Variants in IL1RAPL2 observed in about 807,000 individuals in gnomAD.
The protein encoded by IL1RAPL2 is interleukin 1 receptor accessory protein like 2.
A neutral mutation model predicts 44.1 loss-of-function variants in IL1RAPL2; 3 were observed. The observed-to-expected ratio is 0.07, with a 90% confidence interval of 0.03 to 0.18. The LOEUF (loss-of-function observed/expected upper bound fraction) is 0.18. IL1RAPL2 is among the 10% of genes least tolerant of loss of function. IL1RAPL2 has a pLI of 1.00. For synonymous variants in IL1RAPL2, 181 were observed against 178.8 expected (o/e 1.01, Z -0.10); for missense variants, 391 against 496.4 (o/e 0.79, Z 2.02).
chrX:105,703,660 C>T (rs753038835), intron 6 of IL1RAPL2, among the ~76,000 whole-genome samples: 10 of 111,481 alleles, frequency 9.0e-5, no homozygotes, highest in African/African-American at 2.6e-4. Flanking sequence ...GAGGATGAGA[C>T]GATGATCTCA....
At chrX:105,640,612 G>A (rs1430158644) in intron 6 of IL1RAPL2, among the ~76,000 whole-genome samples, 2 of 97,824 alleles carry the variant, frequency 2.0e-5, no homozygotes, top group African/African-American at 7.3e-5. Context: ...AAAAACTAGT[G>A]CAAGCATTGA....
intron 1 of IL1RAPL2, among the ~76,000 whole-genome samples, chrX:104,607,693 A>G (rs1929046059): frequency 8.9e-6 from 1 of 111,934 alleles, no homozygotes; most frequent in African/African-American, 3.2e-5. Context: ...ATACCATCTC[A>G]CGCCAGTTAG....
At chrX:104,705,659 T>A (rs1931352892) in intron 2 of IL1RAPL2, among the ~76,000 whole-genome samples, 2 of 111,676 alleles carry the variant, frequency 1.8e-5, no homozygotes, top group Non-Finnish European at 3.8e-5. Flanking sequence ...AGAATTTATG[T>A]ACCATGTATC....
At chrX:104,647,265 C>G in intron 1 of IL1RAPL2, 1 of 396,025 alleles carries the variant, frequency 2.5e-6, no homozygotes, top group Non-Finnish European at 4.8e-6. Context: ...TATGTGATGT[C>G]CTCTGCAGCT....
At chrX:105,356,880 T>C (rs111952632) in intron 5 of IL1RAPL2, among the ~76,000 whole-genome samples, 43 of 112,154 alleles carry the variant, frequency 3.8e-4, no homozygotes, top group African/African-American at 1.4e-3. Flanking sequence ...GGTAATGGAT[T>C]GAATGATGTG....
At chrX:105,247,384 A>G (rs1603030941) in intron 4 of IL1RAPL2, among the ~76,000 whole-genome samples, 2 of 111,022 alleles carry the variant, frequency 1.8e-5, no homozygotes, top group South Asian at 3.8e-4. Flanking sequence ...AGAATTCTCT[A>G]TCAAAATTGT....
intron 2 of IL1RAPL2, among the ~76,000 whole-genome samples, chrX:104,960,143 G>A (rs893054634): frequency 1.8e-5 from 2 of 111,883 alleles, no homozygotes; most frequent in African/African-American, 6.5e-5. Flanking sequence ...AATCACTGAT[G>A]GCTTCATTAT....
intron 2 of IL1RAPL2, among the ~76,000 whole-genome samples, chrX:104,671,483 G>T (rs889678951): frequency 4.5e-5 from 5 of 111,306 alleles, no homozygotes; most frequent in African/African-American, 1.6e-4. Context: ...TCGTTGGATT[G>T]CCCCCATCGA....
At chrX:105,527,436 T>TGTGTG (rs2036602142) in intron 6 of IL1RAPL2, among the ~76,000 whole-genome samples, 1 of 95,634 alleles carries the variant, frequency 1.0e-5, no homozygotes, top group South Asian at 5.4e-4. Context: ...TGAGAGTGTG[T>TGTGTG]TGTGTGTGTG....
intron 2 of IL1RAPL2, among the ~76,000 whole-genome samples, chrX:104,923,702 A>G (rs1402667461): frequency 9.0e-6 from 1 of 111,684 alleles, no homozygotes; most frequent in African/African-American, 3.3e-5. Flanking sequence ...ATAAAAGCAC[A>G]TGTAAGTAGA....
chrX:104,954,591 G>C (rs1430708328), intron 2 of IL1RAPL2, among the ~76,000 whole-genome samples: 1 of 110,583 alleles, frequency 9.0e-6, no homozygotes, highest in East Asian at 2.8e-4. Flanking sequence ...GCCCAGGCTG[G>C]AGTGCAGTGG....
chrX:104,747,320 C>G (rs1381522048), intron 2 of IL1RAPL2, among the ~76,000 whole-genome samples: 2 of 111,389 alleles, frequency 1.8e-5, no homozygotes, highest in Non-Finnish European at 3.8e-5. Context: ...TATGCCTTTT[C>G]CCTTCCTCCT....
At chrX:104,634,652 G>A in intron 1 of IL1RAPL2, among the ~76,000 whole-genome samples, 1 of 111,263 alleles carries the variant, frequency 9.0e-6, no homozygotes. Flanking sequence ...TTTTATCAGA[G>A]CCTGGGATTG....
intron 2 of IL1RAPL2, among the ~76,000 whole-genome samples, chrX:105,031,333 G>C (rs998124674): frequency 4.6e-5 from 5 of 108,531 alleles, no homozygotes; most frequent in Admixed American, 1.0e-4. Context: ...GTTTTCAAAG[G>C]GAATGCTTCC....
intron 9 of IL1RAPL2, among the ~76,000 whole-genome samples, chrX:105,754,097 T>C (rs2038617515): frequency 8.9e-6 from 1 of 112,359 alleles, no homozygotes; most frequent in Admixed American, 9.5e-5. Flanking sequence ...TTAGGTATGT[T>C]TTAATAGAAA....
intron 5 of IL1RAPL2, among the ~76,000 whole-genome samples, chrX:105,269,444 T>G (rs1463466178): frequency 9.0e-6 from 1 of 111,150 alleles, no homozygotes; most frequent in Non-Finnish European, 1.9e-5. Context: ...CTCTCTGTAC[T>G]AATAAATGAT....
intron 5 of IL1RAPL2, among the ~76,000 whole-genome samples, chrX:105,373,497 A>C (rs1477371499): frequency 9.0e-6 from 1 of 111,339 alleles, no homozygotes; most frequent in Non-Finnish European, 1.9e-5. Context: ...AGTTTCTTTC[A>C]CTGTGAAGAA....
intron 2 of IL1RAPL2, among the ~76,000 whole-genome samples, chrX:105,143,509 A>G (rs1337621492): frequency 1.8e-5 from 2 of 111,988 alleles, no homozygotes; most frequent in Non-Finnish European, 3.8e-5. Context: ...ACTGTAAACT[A>G]GTTCAACCAT....
intron 1 of IL1RAPL2, among the ~76,000 whole-genome samples, chrX:104,633,945 A>G (rs901530017): frequency 3.6e-5 from 4 of 110,432 alleles, no homozygotes; most frequent in Admixed American, 9.7e-5. Flanking sequence ...TAGGGTGTCA[A>G]TTTTGGGTCT....
Sources: gnomAD v4.1 joint callset for allele counts (sites outside exome capture counted in the v4.1 genomes callset) on GRCh38, gnomAD v4.1.1 for gene constraint, MANE v1.5 for transcripts, NCBI Gene and HGNC (gene_info 2026-07-23, HGNC 2026-07-21) for gene names.